Variants in CNTN5 observed in about 807,000 individuals in gnomAD.
The protein encoded by CNTN5 is contactin-5.
Under a neutral mutation model 129.1 loss-of-function variants are expected in CNTN5, and 77 were observed. That is an observed-to-expected ratio of 0.60 (90% CI 0.50 to 0.72). The LOEUF (loss-of-function observed/expected upper bound fraction) is 0.72, where lower values mean the gene tolerates loss of function less well. Among genes scored for constraint, CNTN5 ranks in the 30% least tolerant of loss-of-function variants. CNTN5 has a pLI of 0.00. For missense variants in CNTN5, 1,478 were observed against 1,328.8 expected (o/e 1.11, Z -1.75); for synonymous variants, 509 against 465.6 (o/e 1.09, Z -1.20).
At chr11:99,687,305 C>T (rs1196315684) in intron 3 of CNTN5, among the ~76,000 whole-genome samples, 4 of 151,998 alleles carry the variant, frequency 2.6e-5, no homozygotes, top group Non-Finnish European at 5.9e-5. Context: ...AATATAATAC[C>T]TCTCAGTGTA....
rs939183227 is a variant in CNTN5, at chr11:100,193,681, T to C, written c.1884+18T>C. ...TCAGGGCCGTAAGTGAATACACTTTTATTCTTTTAGTAATGATAACTTTAG... is the reference window on the plus strand; with the variant it reads ...TCAGGGCCGTAAGTGAATACACTTTCATTCTTTTAGTAATGATAACTTTAG... On this transcript the variant is annotated intron_variant, in intron 15 of 24. Coordinates refer to ENST00000524871, the MANE Select transcript of CNTN5 (RefSeq NM_014361.4). 1 of 1,602,848 alleles carries C rather than the reference T, an allele frequency of 6.2e-7. No individual in the cohort carries two copies. Among genetic ancestry groups the C allele is most frequent in the Non-Finnish European group, 8.5e-7 (1 of 1,175,428 alleles).
chr11:100,032,603 C>T (rs537553371), intron 9 of CNTN5, among the ~76,000 whole-genome samples: 2 of 152,148 alleles, frequency 1.3e-5, no homozygotes, highest in East Asian at 3.9e-4. Context: ...TGCACCAAAA[C>T]ATAATTCTTG....
At chr11:99,145,285 G>A (rs1859723353) in intron 1 of CNTN5, among the ~76,000 whole-genome samples, 1 of 152,016 alleles carries the variant, frequency 6.6e-6, no homozygotes, top group Admixed American at 6.6e-5. Flanking sequence ...GGCCAGGCTG[G>A]TCTCGAACTC....
chr11:99,672,229 T>C (rs1395821641), intron 3 of CNTN5, among the ~76,000 whole-genome samples: 1 of 152,208 alleles, frequency 6.6e-6, no homozygotes, highest in African/African-American at 2.4e-5. Flanking sequence ...TCAAACTTTT[T>C]TCCTTTTGCT....
chr11:100,031,815 A>G (rs1941724969), intron 9 of CNTN5, among the ~76,000 whole-genome samples: 4 of 152,170 alleles, frequency 2.6e-5, no homozygotes, highest in Admixed American at 2.0e-4. Context: ...TCATCCCCAT[A>G]TGACCATCTC....
At chr11:99,346,091 A>G (rs1937842464) in intron 2 of CNTN5, among the ~76,000 whole-genome samples, 2 of 152,140 alleles carry the variant, frequency 1.3e-5, no homozygotes, top group Non-Finnish European at 2.9e-5. Context: ...GTAAATTCCT[A>G]TCATTATTAT....
intron 1 of CNTN5, among the ~76,000 whole-genome samples, chr11:99,139,595 A>C (rs1166023545): frequency 6.6e-6 from 1 of 152,134 alleles, no homozygotes; most frequent in Non-Finnish European, 1.5e-5. Context: ...CTGTTTTGAG[A>C]CTTCTCCAAT....
At chr11:100,215,272 TA>T (rs750909279) in intron 15 of CNTN5, among the ~76,000 whole-genome samples, 4 of 152,030 alleles carry the variant, frequency 2.6e-5, no homozygotes, top group Non-Finnish European at 2.9e-5. Flanking sequence ...GATCCAGCCA[TA>T]GGATTTTCAG....
intron 3 of CNTN5, among the ~76,000 whole-genome samples, chr11:99,789,222 C>A (rs1344032396): frequency 6.6e-6 from 1 of 151,734 alleles, no homozygotes; most frequent in Non-Finnish European, 1.5e-5. Context: ...TGTAGACTTC[C>A]CATTTTGTAC....
chr11:99,887,856 T>G (rs1948940292), intron 6 of CNTN5, among the ~76,000 whole-genome samples: 1 of 152,200 alleles, frequency 6.6e-6, no homozygotes, highest in Non-Finnish European at 1.5e-5. Context: ...TGGTAGCTCA[T>G]TAGTTGATGT....
At chr11:99,076,388 C>T (rs1265727062) in intron 1 of CNTN5, among the ~76,000 whole-genome samples, 2 of 151,908 alleles carry the variant, frequency 1.3e-5, no homozygotes, top group Non-Finnish European at 2.9e-5. Flanking sequence ...GGAGAAGCTC[C>T]CCATTGTTGG....
At chr11:99,031,928 C>G (rs1304951011) in intron 1 of CNTN5, among the ~76,000 whole-genome samples, 1 of 121,400 alleles carries the variant, frequency 8.2e-6, no homozygotes, top group Non-Finnish European at 1.7e-5. Context: ...CCCCCCACCC[C>G]ACAACAGTCC....
intron 2 of CNTN5, among the ~76,000 whole-genome samples, chr11:99,357,457 A>G (rs1938758348): frequency 6.6e-6 from 1 of 151,714 alleles, no homozygotes; most frequent in Non-Finnish European, 1.5e-5. Context: ...CTCCTTTGCA[A>G]GCTTGAAAAC....
At chr11:99,653,061 A>G (rs1952219441) in intron 3 of CNTN5, among the ~76,000 whole-genome samples, 2 of 152,064 alleles carry the variant, frequency 1.3e-5, no homozygotes, top group Admixed American at 6.6e-5. Context: ...AATTGTTTAT[A>G]CATCAAATCT....
At chr11:99,322,658 G>A (rs929129446) in intron 1 of CNTN5, among the ~76,000 whole-genome samples, 5 of 151,930 alleles carry the variant, frequency 3.3e-5, no homozygotes, top group African/African-American at 1.2e-4. Flanking sequence ...AAAATTACAG[G>A]CAGAGTCTAT....
chr11:99,552,135 T>A (rs946026632), intron 2 of CNTN5, among the ~76,000 whole-genome samples: 2 of 151,850 alleles, frequency 1.3e-5, no homozygotes, highest in Non-Finnish European at 2.9e-5. Flanking sequence ...CTCAAACTCC[T>A]GACCTCAAGT....
At chr11:99,204,577 C>T (rs1422364651) in intron 1 of CNTN5, among the ~76,000 whole-genome samples, 2 of 152,114 alleles carry the variant, frequency 1.3e-5, no homozygotes, top group East Asian at 1.9e-4. Context: ...CAGAAAATCA[C>T]GACTAGCTTC....
chr11:99,362,964 T>C (rs537959937), intron 2 of CNTN5, among the ~76,000 whole-genome samples: 1 of 152,230 alleles, frequency 6.6e-6, no homozygotes, highest in African/African-American at 2.4e-5. Flanking sequence ...CTTCCAACTT[T>C]ATTTTTCTTT....
intron 13 of CNTN5, among the ~76,000 whole-genome samples, chr11:100,090,530 CCTT>C: frequency 1.2e-5 from 1 of 86,326 alleles, no homozygotes; most frequent in Non-Finnish European, 2.3e-5. Context: ...TCCCTCCCTT[CCTT>C]CCTTCCTTCC....
Sources: gnomAD v4.1 joint callset for allele counts (sites outside exome capture counted in the v4.1 genomes callset) on GRCh38, gnomAD v4.1.1 for gene constraint, MANE v1.5 for transcripts, NCBI Gene and HGNC (gene_info 2026-07-23, HGNC 2026-07-21) for gene names.